CTSD: variants seen among roughly 807,000 people sequenced by gnomAD.
CTSD encodes the protein ceroid-lipofuscinosis, neuronal 10.
A neutral mutation model predicts 43.6 loss-of-function variants in CTSD; 28 were observed. That is an observed-to-expected ratio of 0.64 (90% CI 0.48 to 0.88). The LOEUF is 0.88. CTSD is among the 40% of genes least tolerant of loss of function. CTSD has a pLI of 0.00. For missense variants in CTSD, 485 were observed against 555.2 expected, an observed-to-expected ratio of 0.87 and a Z score of 1.27; for synonymous variants, 270 against 249.8, an observed-to-expected ratio of 1.08 and a Z score of -0.76.
chr11:1,758,961 G>C lies in CTSD; in HGVS notation c.471+8C>G, dbSNP rs1478287650. 6.3e-7 allele frequency: 1 copy of C among 1,584,616 alleles called. No individual in the cohort carries two copies. Among genetic ancestry groups the C allele is most frequent in the African/African-American group, 1.3e-5 (1 of 74,260 alleles). ...TCGAGTCCTGGGAAAGGCCCCAGAG[G>C]GACTCACCGACACAGTGTCCTGGCT... On this transcript the variant is annotated splice_region_variant and intron_variant, in intron 4 of 8. Transcript: ENST00000236671.
intron 5 of CTSD, 132 bp from the exon 6 acceptor site, chr11:1,755,160 A>G: frequency 9.2e-7 from 1 of 1,091,042 alleles, no homozygotes; most frequent in Non-Finnish European, 1.4e-6. Context: ...AACTGCAGGG[A>G]TGGAAAGGCC....
chr11:1,759,463 C>G (rs960464588), intron 3 of CTSD, 53 bp downstream of exon 3: 1 of 1,608,922 alleles, frequency 6.2e-7, no homozygotes, highest in Non-Finnish European at 8.5e-7. Context: ...AGCCCTGCAG[C>G]GACATCCCGG....
chr11:1,760,072 T>C (rs574928860), intron 2 of CTSD, among the ~76,000 whole-genome samples: 2 of 152,310 alleles, frequency 1.3e-5, no homozygotes, highest in Admixed American at 6.5e-5. Context: ...CCTCCCCAGG[T>C]TGGGGCCATG....
chr11:1,756,745 C>T lies in CTSD; in HGVS notation c.704+579G>A, dbSNP rs569222807. 2.6e-3 allele frequency among the ~76,000 whole-genome samples: 400 copies of T among 152,322 alleles called. 2 individuals carry two copies. Among genetic ancestry groups the T allele is most frequent in the Admixed American group, 5.8e-3 (89 of 15,308 alleles). On this transcript the variant is annotated intron_variant, in intron 5 of 8. Transcript: ENST00000236671. ...GTCACCCAAGCTGGAGCAGCGGCTG[C>T]AGGTGGGGGCCCTGGGGGAGAACCC...
chr11:1,754,524 AG>A (rs144802854), intron 6 of CTSD, among the ~76,000 whole-genome samples: 2,727 of 13,758 alleles, frequency 0.2, 179 homozygotes, highest in Middle Eastern at 0.3. Flanking sequence ...GGAGGGATGG[AG>A]GGGATGGAGG....
At chr11:1,754,545 ATGGAGGG>A (rs1845781981) in intron 6 of CTSD, among the ~76,000 whole-genome samples, 2 of 46,860 alleles carry the variant, frequency 4.3e-5, no homozygotes. Context: ...GGATGGAGGG[ATGGAGGG>A]GATGGAGGGA....
chr11:1,754,515 G>T (rs866628672), intron 6 of CTSD, among the ~76,000 whole-genome samples: 10 of 115,076 alleles, frequency 8.7e-5, no homozygotes, highest in African/African-American at 1.9e-4. Flanking sequence ...TGGAGGGATG[G>T]AGGGATGGAG....
chr11:1,756,986 C>G (rs1164844708), intron 5 of CTSD, among the ~76,000 whole-genome samples: 1 of 152,190 alleles, frequency 6.6e-6, no homozygotes, highest in South Asian at 2.1e-4. Context: ...GTCTGGGGAC[C>G]GACGGGCCGA....
In CTSD at chr11:1,759,064, C is replaced by T. The variant is rs796052401; in HGVS notation, c.376G>A (p.Asp126Asn). ...ACWIHHKYNSDKSSTYVKNGT... is the reference protein window; with the variant it reads ...ACWIHHKYNSNKSSTYVKNGT... ...TTCTTCACGTAGGTGCTGGACTTGT[C>T]GCTGTTGTACTTGTGGTGGATCCCT... Residue 126 changes from aspartate to asparagine, a missense_variant, in exon 4 of 9, where the codon GAC becomes AAC. Physicochemically the swap from Asp to Asn is conservative, Grantham distance 23. Transcript: ENST00000236671. The T allele has an allele frequency of 6.8e-6, 11 of 1,613,930 alleles. No homozygotes were observed. Among genetic ancestry groups the T allele is most frequent in the African/African-American group, 6.7e-5 (5 of 74,926 alleles).
At chr11:1,758,702 G>A (rs542672467) in intron 4 of CTSD, among the ~76,000 whole-genome samples, 247 of 152,282 alleles carry the variant, frequency 1.6e-3, no homozygotes, top group Middle Eastern at 3.4e-3. Context: ...GAGCCCGATC[G>A]ATCTGCCCTG....
intron 4 of CTSD, among the ~76,000 whole-genome samples, chr11:1,757,810 C>T (rs1025852372): frequency 4.6e-5 from 7 of 152,192 alleles, no homozygotes; most frequent in African/African-American, 1.4e-4. Flanking sequence ...GGAGCACAGA[C>T]GGGCAGGCCC....
In CTSD at chr11:1,753,714, GCCC is replaced by G. The variant is rs752520670; in HGVS notation, c.1072-47_1072-45del. Reference sequence around the variant, plus strand: ...TCAGTACCCAGGCCTAGCACCACCCGCCCCCCCACCTGTTGCCCGCTCACCTGG... The same window carrying G: ...TCAGTACCCAGGCCTAGCACCACCCGCCCCACCTGTTGCCCGCTCACCTGG... On this transcript the variant is annotated intron_variant, in intron 8 of 8. Transcript: ENST00000236671. The G allele has an allele frequency of 4.4e-6, 7 of 1,607,890 alleles. No individual in the cohort carries two copies. In the Admixed American group the frequency reaches 6.7e-5, roughly 15 times the overall value.
intron 4 of CTSD, among the ~76,000 whole-genome samples, chr11:1,758,604 C>T (rs890539954): frequency 6.6e-6 from 1 of 152,134 alleles, no homozygotes; most frequent in African/African-American, 2.4e-5. Flanking sequence ...CAAGCCTCCC[C>T]AAGCCCTCGG....
Position 1,757,336 on chromosome 11 carries a change from A to G in CTSD, c.692T>C (p.Phe231Ser). 6.2e-7 allele frequency: 1 copy of G among 1,613,676 alleles called. No homozygotes were observed. The highest frequency in any genetic ancestry group is 8.5e-7 in the Non-Finnish European group (1 of 1,179,784). ...CCCACACGCCCACCTGCTCAGGTAG[A>G]AGGAGAAGATGTTCTGGTCCACCAG... Reference protein sequence around the residue: ...QKLVDQNIFSFYLSRDPDAQP... With the variant: ...QKLVDQNIFSSYLSRDPDAQP... Residue 231 changes from phenylalanine to serine, a missense_variant, in exon 5 of 9, where the codon TTC becomes TCC. Physicochemically the swap from Phe to Ser is radical, Grantham distance 155. Coordinates refer to ENST00000236671, the MANE Select transcript of CTSD (RefSeq NM_001909.5).
At chr11:1,757,166 C>A (rs1364034199) in intron 5 of CTSD, among the ~76,000 whole-genome samples, 158 bp downstream of exon 5, 1 of 152,232 alleles carries the variant, frequency 6.6e-6, no homozygotes, top group Non-Finnish European at 1.5e-5. Context: ...AGAAGGGCGG[C>A]CAACCCCCGC....
chr11:1,754,537 A>ATGGAGGGGG (rs1845781175), intron 6 of CTSD, among the ~76,000 whole-genome samples: 1 of 63,872 alleles, frequency 1.6e-5, no homozygotes, highest in African/African-American at 5.6e-5. Flanking sequence ...GGATGGAGGG[A>ATGGAGGGGG]TGGAGGGATG....
rs1311547181 is a variant in CTSD at position 1,753,079 on chromosome 11, G to C, written c.*424C>G. 1 of 307,960 alleles carries C rather than the reference G, an allele frequency of 3.2e-6. No homozygotes were observed. Among genetic ancestry groups the C allele is most frequent in the African/African-American group, 2.2e-5 (1 of 45,712 alleles). 19.1% of individuals were successfully genotyped at this position (307,960 alleles called of 1,614,324 possible). On this transcript the variant is annotated 3_prime_UTR_variant, in exon 9 of 9. Transcript: ENST00000236671. ...CCAAGCTGGGCAGAGGGGCCCTCAG[G>C]CAGGGCAGGTTTCCAAGGGAGGGCC...
intron 1 of CTSD, chr11:1,763,472 T>C (rs911621118): frequency 1.1e-5 from 4 of 369,698 alleles, no homozygotes; most frequent in Non-Finnish European, 2.0e-5. Flanking sequence ...CTGCCCCGAA[T>C]GAGCACTACC....
chr11:1,761,548 G>C (rs1245208295), intron 1 of CTSD, 80 bp from the exon 2 acceptor site: 6 of 1,500,126 alleles, frequency 4.0e-6, no homozygotes, highest in African/African-American at 1.4e-5. Flanking sequence ...CATCCACCTG[G>C]AGGCCCCTGG....
Sources: gnomAD v4.1 joint callset for allele counts (sites outside exome capture counted in the v4.1 genomes callset) on GRCh38, gnomAD v4.1.1 for gene constraint, MANE v1.5 for transcripts, NCBI Gene and HGNC (gene_info 2026-07-23, HGNC 2026-07-21) for gene names.